Variants in MYCBP2 observed in about 807,000 individuals in gnomAD.
MYCBP2 encodes the protein MYC binding protein 2, also known as E3 ubiquitin-protein ligase MYCBP2.
In MYCBP2, 120 loss-of-function variants were observed where a neutral mutation model predicts 525.3. That is an observed-to-expected ratio of 0.23 (90% confidence interval 0.20 to 0.27). The LOEUF (loss-of-function observed/expected upper bound fraction) is 0.27, where lower values mean the gene tolerates loss of function less well. Among genes scored for constraint, MYCBP2 ranks in the 10% least tolerant of loss-of-function variants. The probability of loss-of-function intolerance (pLI) is 1.00; values close to 1 mark genes in which losing one functional copy is unlikely to be tolerated. For synonymous variants in MYCBP2, 1,894 were observed against 1,955.8 expected, an observed-to-expected ratio of 0.97 and a Z score of 0.83; for missense variants, 4,149 against 5,657.1, an observed-to-expected ratio of 0.73 and a Z score of 8.55.
intron 1 of MYCBP2, 101 bp from the exon 2 acceptor site, chr13:77,296,775 T>G: frequency 1.1e-6 from 1 of 944,276 alleles, no homozygotes; most frequent in Admixed American, 3.5e-5. Flanking sequence ...TTTGGATCTT[T>G]TTCTTGCAAA....
chr13:77,321,917 T>G (rs2081690725), intron 1 of MYCBP2, among the ~76,000 whole-genome samples: 1 of 152,098 alleles, frequency 6.6e-6, no homozygotes, highest in Non-Finnish European at 1.5e-5. Flanking sequence ...TCCCAGCACT[T>G]TGGGAGGTGG....
chr13:77,177,289 CACAA>C (rs1297327200), intron 35 of MYCBP2, among the ~76,000 whole-genome samples: 4 of 150,614 alleles, frequency 2.7e-5, no homozygotes, highest in East Asian at 1.9e-4. Flanking sequence ...AAAGATGGAA[CACAA>C]ACAATCAGGT....
intron 55 of MYCBP2, among the ~76,000 whole-genome samples, chr13:77,105,318 CA>C: frequency 6.6e-6 from 1 of 152,054 alleles, no homozygotes; most frequent in East Asian, 1.9e-4. Context: ...AGTTTGAAGG[CA>C]AAATGGCCTT....
intron 55 of MYCBP2, among the ~76,000 whole-genome samples, chr13:77,105,931 C>A (rs1348063106): frequency 6.6e-6 from 1 of 152,112 alleles, no homozygotes; most frequent in Non-Finnish European, 1.5e-5. Flanking sequence ...TGAGTCATAT[C>A]ATTTCCTAGT....
At chr13:77,320,093 G>T (rs1459355756) in intron 1 of MYCBP2, among the ~76,000 whole-genome samples, 1 of 152,148 alleles carries the variant, frequency 6.6e-6, no homozygotes, top group Non-Finnish European at 1.5e-5. Flanking sequence ...AGACTTCAAG[G>T]TTGGCTTGTC....
At position 77,191,830 on chromosome 13, in the gene MYCBP2, G is replaced by A. The variant is rs376446166; in HGVS notation, c.3936-17C>T. ...TATTTTTCTCTGAGAAAAAATTAGT[G>A]AGTCAAAAACAATATTTTCTTACTT... On this transcript the variant is annotated splice_polypyrimidine_tract_variant and intron_variant, in intron 27 of 82. Coordinates refer to ENST00000544440, the MANE Select transcript of MYCBP2 (RefSeq NM_015057.5). 1 of 1,611,208 alleles carries A rather than the reference G, an allele frequency of 6.2e-7. No homozygotes were observed. Among genetic ancestry groups the A allele is most frequent in the Non-Finnish European group, 8.5e-7 (1 of 1,178,480 alleles).
chr13:77,116,206 T>C (rs7319080), intron 55 of MYCBP2, among the ~76,000 whole-genome samples: 3,500 of 152,078 alleles, frequency 0.023, 133 homozygotes, highest in African/African-American at 0.08. Context: ...ATAAACAAAG[T>C]TGAGTAAATA....
chr13:77,186,476 A>G (rs1216709344), intron 30 of MYCBP2, among the ~76,000 whole-genome samples: 1 of 152,192 alleles, frequency 6.6e-6, no homozygotes, highest in Non-Finnish European at 1.5e-5. Context: ...AAAATAAAAT[A>G]GAGTTTTAGT....
intron 14 of MYCBP2, among the ~76,000 whole-genome samples, chr13:77,254,841 G>A (rs1193320064): frequency 6.6e-6 from 1 of 151,566 alleles, no homozygotes; most frequent in African/African-American, 2.4e-5. Context: ...TCCCATATAT[G>A]AGTGATATTT....
chr13:77,320,846 C>G (rs1003425376), intron 1 of MYCBP2, among the ~76,000 whole-genome samples: 1 of 152,108 alleles, frequency 6.6e-6, no homozygotes. Flanking sequence ...AATACAGATA[C>G]AAGACAGAAA....
chr13:77,271,273 G>A (rs2074854949), intron 5 of MYCBP2, among the ~76,000 whole-genome samples: 1 of 151,986 alleles, frequency 6.6e-6, no homozygotes, highest in Non-Finnish European at 1.5e-5. Context: ...TTGTTTCTGA[G>A]CTCAAATGCA....
At chr13:77,062,995 T>C (rs2039576153) in intron 73 of MYCBP2, among the ~76,000 whole-genome samples, 1 of 152,296 alleles carries the variant, frequency 6.6e-6, no homozygotes, top group Middle Eastern at 3.4e-3. Context: ...GTAAACAACA[T>C]ATGAATAAAT....
intron 66 of MYCBP2, 190 bp from the exon 67 acceptor site, chr13:77,077,577 T>C: frequency 1.6e-6 from 1 of 618,454 alleles, no homozygotes; most frequent in South Asian, 2.3e-5. Context: ...TAGTAGCTAT[T>C]ACACAGATGA....
rs142832927 is a variant in MYCBP2 at position 77,158,861 on chromosome 13, T to C, written c.6598-752A>G. Reference sequence around the variant, plus strand: ...GGGTAAAAAGTGGGTGGAAGCCTGATTGTGGCAGCACACACATCTCATTAG... The same window carrying C: ...GGGTAAAAAGTGGGTGGAAGCCTGACTGTGGCAGCACACACATCTCATTAG... On this transcript the variant is annotated intron_variant, in intron 44 of 82. Transcript: ENST00000544440. 3.3e-5 allele frequency among the ~76,000 whole-genome samples: 5 copies of C among 152,304 alleles called. No individual in the cohort carries two copies. In the South Asian group the frequency reaches 1.0e-3, roughly 32 times the overall value.
chr13:77,293,719 G>T (rs938715316), intron 2 of MYCBP2, among the ~76,000 whole-genome samples: 1 of 152,048 alleles, frequency 6.6e-6, no homozygotes, highest in Admixed American at 6.5e-5. Flanking sequence ...CAGTGATGCC[G>T]CATGAGAAAA....
Position 77,179,717 on chromosome 13 carries a change from C to T in MYCBP2, c.5133+410G>A, listed in dbSNP as rs562349937. Among the ~76,000 whole-genome samples the T allele has an allele frequency of 8.5e-5, 13 of 152,172 alleles. No individual in the cohort carries two copies. In the South Asian group the frequency reaches 1.2e-3, roughly 15 times the overall value. On this transcript the variant is annotated intron_variant, in intron 34 of 82. Transcript: ENST00000544440. Reference sequence around the variant, plus strand: ...TTTTAAGTATGTATTTCTCTAGGGTCGGTTGAGTGGGCAGAGCTGAAGTCT... The same window carrying T: ...TTTTAAGTATGTATTTCTCTAGGGTTGGTTGAGTGGGCAGAGCTGAAGTCT...
At chr13:77,302,146 A>T (rs2078875051) in intron 1 of MYCBP2, among the ~76,000 whole-genome samples, 1 of 152,148 alleles carries the variant, frequency 6.6e-6, no homozygotes, top group East Asian at 1.9e-4. Flanking sequence ...ATATGACAAG[A>T]TAATTACTGA....
intron 56 of MYCBP2, 110 bp downstream of exon 56, chr13:77,097,260 A>G (rs1229124752): frequency 1.4e-6 from 2 of 1,402,946 alleles, no homozygotes; most frequent in Admixed American, 5.0e-5. Context: ...ACATTCTAAG[A>G]TACTATAAAT....
intron 17 of MYCBP2, among the ~76,000 whole-genome samples, chr13:77,240,292 T>A (rs916722355): frequency 6.6e-6 from 1 of 152,150 alleles, no homozygotes; most frequent in Admixed American, 6.6e-5. Context: ...AGAATTCTTG[T>A]CCAAATGCAA....
Sources: allele counts gnomAD v4.1 joint callset (sites outside exome capture counted in the v4.1 genomes callset), GRCh38; gene constraint gnomAD v4.1.1; transcripts MANE v1.5; gene names NCBI Gene and HGNC (gene_info 2026-07-23, HGNC 2026-07-21).